The following AGBL4 variants were observed in gnomAD, a reference collection of about 807,000 sequenced individuals.
AGBL4 encodes AGBL carboxypeptidase 4.
Under a neutral mutation model 66.4 loss-of-function variants are expected in AGBL4, and 58 were observed. That is an observed-to-expected ratio of 0.87 (90% CI 0.71 to 1.09). The LOEUF is 1.09. Ranked by LOEUF, AGBL4 falls within the 50% of genes least tolerant of loss-of-function variation. The probability of loss-of-function intolerance (pLI) is 0.00; values close to 1 mark genes in which losing one functional copy is unlikely to be tolerated. For missense variants in AGBL4, 579 were observed against 631.0 expected (o/e 0.92, Z 0.88); for synonymous variants, 234 against 222.9 (o/e 1.05, Z -0.44).
At chr1:49,480,337 T>C (rs1371522904) in intron 3 of AGBL4, among the ~76,000 whole-genome samples, 1 of 152,062 alleles carries the variant, frequency 6.6e-6, no homozygotes, top group Non-Finnish European at 1.5e-5. Flanking sequence ...TTCTGACTGG[T>C]GTTAGATGGT....
chr1:49,523,603 A>C (rs1650430929), intron 3 of AGBL4, among the ~76,000 whole-genome samples: 1 of 152,096 alleles, frequency 6.6e-6, no homozygotes, highest in African/African-American at 2.4e-5. Context: ...GACAAGGAAA[A>C]GGAAGACTAT....
rs1646174540 is a variant in AGBL4, at chr1:49,657,746, A to G, written c.282+39567T>C. Among the ~76,000 whole-genome samples, 3 of 152,324 alleles carry G rather than the reference A, an allele frequency of 2.0e-5. No individual in the cohort carries two copies. In the South Asian group the frequency reaches 6.2e-4, roughly 32 times the overall value. ...GATCTTTGACAAACCTGACAAAGACAAGCAATGGGGAAAGGATTCCCTATT... is the reference window on the plus strand; with the variant it reads ...GATCTTTGACAAACCTGACAAAGACGAGCAATGGGGAAAGGATTCCCTATT... On this transcript the variant is annotated intron_variant, in intron 3 of 13. Transcript: ENST00000371839.
chr1:49,299,494 T>C (rs1053379538), intron 3 of AGBL4, among the ~76,000 whole-genome samples: 1 of 152,212 alleles, frequency 6.6e-6, no homozygotes, highest in Non-Finnish European at 1.5e-5. Context: ...AATGAAAACA[T>C]GTTGTAAATA....
At chr1:49,916,028 TTG>T (rs1297037883) in intron 1 of AGBL4, among the ~76,000 whole-genome samples, 2 of 152,140 alleles carry the variant, frequency 1.3e-5, no homozygotes, top group African/African-American at 4.8e-5. Context: ...AGGGACCTGA[TTG>T]TTAGAAGGAA....
At chr1:49,764,352 T>C (rs950436062) in intron 2 of AGBL4, among the ~76,000 whole-genome samples, 6 of 152,142 alleles carry the variant, frequency 3.9e-5, no homozygotes, top group Non-Finnish European at 8.8e-5. Context: ...ACACCGCTTA[T>C]GCCTAAACAC....
At chr1:49,506,697 A>C (rs1263589577) in intron 3 of AGBL4, among the ~76,000 whole-genome samples, 2 of 152,024 alleles carry the variant, frequency 1.3e-5, no homozygotes, top group East Asian at 3.9e-4. Context: ...TACCTGTGTA[A>C]GAGTGGACTA....
intron 5 of AGBL4, among the ~76,000 whole-genome samples, chr1:48,962,974 A>G (rs1658122471): frequency 6.6e-6 from 1 of 151,242 alleles, no homozygotes; most frequent in Admixed American, 6.6e-5. Context: ...ACTATCTGGC[A>G]TGTAGTAGGC....
chr1:48,945,501 A>G (rs1261130493), intron 5 of AGBL4, among the ~76,000 whole-genome samples: 1 of 152,140 alleles, frequency 6.6e-6, no homozygotes, highest in Admixed American at 6.5e-5. Context: ...AAAGCATGCT[A>G]TGGAACTTCT....
chr1:49,357,494 T>C (rs149411313), intron 3 of AGBL4, among the ~76,000 whole-genome samples: 1 of 152,312 alleles, frequency 6.6e-6, no homozygotes, highest in Non-Finnish European at 1.5e-5. Context: ...TCCAATTTTG[T>C]AATAAGTAGC....
At chr1:49,492,715 GC>G (rs1647221175) in intron 3 of AGBL4, among the ~76,000 whole-genome samples, 1 of 151,946 alleles carries the variant, frequency 6.6e-6, no homozygotes, top group Non-Finnish European at 1.5e-5. Flanking sequence ...GGATCCAGGA[GC>G]TTTTCATCTC....
intron 3 of AGBL4, among the ~76,000 whole-genome samples, chr1:49,286,572 A>C (rs1644415443): frequency 1.3e-5 from 2 of 152,152 alleles, no homozygotes; most frequent in East Asian, 1.9e-4. Context: ...CCAATAACAG[A>C]CAAACAGAGA....
chr1:48,567,369 C>T (rs766815814), intron 11 of AGBL4, among the ~76,000 whole-genome samples: 1 of 152,196 alleles, frequency 6.6e-6, no homozygotes, highest in South Asian at 2.1e-4. Flanking sequence ...CCTGACTTTG[C>T]CCTTTCTTTC....
chr1:48,921,187 C>T (rs1038603564), intron 5 of AGBL4, among the ~76,000 whole-genome samples: 1 of 152,086 alleles, frequency 6.6e-6, no homozygotes, highest in Non-Finnish European at 1.5e-5. Flanking sequence ...GGAAGTGGAA[C>T]ACAGAGAAGT....
chr1:49,423,505 C>A (rs1645590206), intron 3 of AGBL4, among the ~76,000 whole-genome samples: 1 of 152,024 alleles, frequency 6.6e-6, no homozygotes, highest in Non-Finnish European at 1.5e-5. Context: ...GAAAAGATAT[C>A]CAGCAATTAA....
chr1:49,163,754 G>A (rs1007070393), intron 4 of AGBL4, among the ~76,000 whole-genome samples: 7 of 152,128 alleles, frequency 4.6e-5, no homozygotes, highest in African/African-American at 1.4e-4. Context: ...GGAGGCTAAA[G>A]AAGAGATAGT....
intron 3 of AGBL4, among the ~76,000 whole-genome samples, chr1:49,484,869 T>C (rs1488759627): frequency 6.6e-6 from 1 of 151,984 alleles, no homozygotes; most frequent in Non-Finnish European, 1.5e-5. Context: ...TTCATAAATA[T>C]ATATATACAC....
chr1:48,640,920 A>G (rs542195195), intron 8 of AGBL4, among the ~76,000 whole-genome samples: 1 of 152,304 alleles, frequency 6.6e-6, no homozygotes, highest in Non-Finnish European at 1.5e-5. Context: ...GAGAGCAATG[A>G]TTTCAATTCC....
At chr1:48,561,755 GTTC>G (rs1434343441) in intron 11 of AGBL4, among the ~76,000 whole-genome samples, 1 of 152,114 alleles carries the variant, frequency 6.6e-6, no homozygotes, top group Non-Finnish European at 1.5e-5. Context: ...CTGAAATACA[GTTC>G]TTCTTGGGTC....
intron 9 of AGBL4, among the ~76,000 whole-genome samples, chr1:48,617,326 A>AG (rs1645335869): frequency 6.6e-6 from 1 of 152,206 alleles, no homozygotes; most frequent in African/African-American, 2.4e-5. Context: ...GTCAGATTAA[A>AG]GGGGTCACTG....
Sources: allele counts gnomAD v4.1 joint callset (sites outside exome capture counted in the v4.1 genomes callset), GRCh38; gene constraint gnomAD v4.1.1; transcripts MANE v1.5; gene names NCBI Gene and HGNC (gene_info 2026-07-23, HGNC 2026-07-21).